SEL1L: variants seen among roughly 807,000 people sequenced by gnomAD.
SEL1L encodes SEL1L adaptor subunit of SYVN1 ubiquitin ligase.
A neutral mutation model predicts 109.8 loss-of-function variants in SEL1L; 52 were observed. The observed-to-expected ratio is 0.47, with a 90% CI of 0.38 to 0.60. The LOEUF (loss-of-function observed/expected upper bound fraction) is 0.60, where lower values mean the gene tolerates loss of function less well. SEL1L is among the 20% of genes least tolerant of loss of function. The pLI, the probability that SEL1L is intolerant of heterozygous loss-of-function variation, is 0.00. For synonymous variants in SEL1L, 373 were observed against 339.6 expected, an observed-to-expected ratio of 1.10 and a Z score of -1.08; for missense variants, 749 against 962.2, an observed-to-expected ratio of 0.78 and a Z score of 2.93.
rs1555346599 is a variant in SEL1L, at chr14:81,510,514, C to CTATATATATATA, written c.341-4285_341-4274dup. Among the ~76,000 whole-genome samples, 685 of 104,014 alleles carry CTATATATATATA rather than the reference C, an allele frequency of 6.6e-3. 1 individual carries two copies. Among genetic ancestry groups the CTATATATATATA allele is most frequent in the Middle Eastern group, 0.015 (2 of 134 alleles). The allele number at this position is 104,014 out of a possible 152,430, so 68.2% of individuals were successfully genotyped here. A position where few individuals can be genotyped will look rare whatever the true frequency, so the allele number is the denominator to read the frequency against. On this transcript the variant is annotated intron_variant, in intron 3 of 20. Transcript: ENST00000336735. Reference sequence around the variant, plus strand: ...TCTCTCTCTCTCTCTCTCTCTCTCTCTATATATATATATATAGACAATTAA... The same window carrying CTATATATATATA: ...TCTCTCTCTCTCTCTCTCTCTCTCTCTATATATATATATATATATATATATATAGACAATTAA...
intron 3 of SEL1L, 125 bp from the exon 4 acceptor site, chr14:81,506,366 G>A (rs760094439): frequency 8.9e-6 from 7 of 783,622 alleles, no homozygotes; most frequent in Non-Finnish European, 1.2e-5. Flanking sequence ...TTGTAACTGG[G>A]AACATAAAAG....
chr14:81,506,282 C>A, intron 3 of SEL1L, 41 bp from the exon 4 acceptor site: 1 of 1,484,444 alleles, frequency 6.7e-7, no homozygotes, highest in Admixed American at 2.2e-5. Context: ...TGAAACAACA[C>A]CTCTGGTATT....
intron 3 of SEL1L, among the ~76,000 whole-genome samples, chr14:81,525,238 T>C (rs1222650278): frequency 6.6e-6 from 1 of 151,976 alleles, no homozygotes; most frequent in African/African-American, 2.4e-5. Flanking sequence ...TTTTACCCTC[T>C]ACTTTTATGC....
At position 81,484,276 on chromosome 14, in the gene SEL1L, T is replaced by C. The variant is rs762106944; in HGVS notation, c.1995A>G (p.Gln665=). ...RLASEQQHSA[Q]AMFNLGYMHE... is the part of the protein sequence containing the mutation. ...GCATATATCCCAGATTAAACATAGC[T>C]TGTGCACTGTGTTGCTGCTCAGAAG... The change falls in exon 19 of 21, where the codon CAA becomes CAG. Residue 665 remains glutamine (Q), a synonymous_variant. Transcript: ENST00000336735. The C allele has an allele frequency of 6.2e-7, 1 of 1,614,148 alleles. No individual in the cohort carries two copies. The highest frequency in any genetic ancestry group is 2.2e-5 in the East Asian group (1 of 44,886).
chr14:81,510,978 G>C (rs930329207), intron 3 of SEL1L, among the ~76,000 whole-genome samples: 2 of 152,152 alleles, frequency 1.3e-5, no homozygotes, highest in Non-Finnish European at 2.9e-5. Context: ...AGGAAACAAA[G>C]TACCTGACTT....
intron 17 of SEL1L, 99 bp downstream of exon 17, chr14:81,486,190 G>C: frequency 1.8e-6 from 2 of 1,138,184 alleles, no homozygotes; most frequent in Non-Finnish European, 2.5e-6. Flanking sequence ...CAATAATAAA[G>C]AATGTTTCCT....
intron 18 of SEL1L, 121 bp downstream of exon 18, chr14:81,485,551 G>C: frequency 4.9e-6 from 4 of 812,106 alleles, no homozygotes; most frequent in Non-Finnish European, 7.9e-6. Context: ...CTTGGCTTCC[G>C]AAAGTGCTAG....
rs1355942682 is a variant in SEL1L at position 81,533,814 on chromosome 14, C to G, written c.-70G>C. On this transcript the variant is annotated 5_prime_UTR_variant, in exon 1 of 21. Coordinates refer to ENST00000336735, the MANE Select transcript of SEL1L (RefSeq NM_005065.6). The stretch of plus-strand genomic sequence containing the variant: ...CCTCTGCCACCACGGACTCAGCCAC[C>G]ACCGCCGCCTCGCCGCTGCTCTTCC... The G allele has an allele frequency of 2.7e-6, 4 of 1,455,790 alleles. No homozygotes were observed. In the Admixed American group the frequency reaches 5.6e-5, roughly 20 times the overall value. 90.2% of individuals were successfully genotyped at this position (1,455,790 alleles called of 1,614,324 possible). A position where few individuals can be genotyped will look rare whatever the true frequency, so the allele number is the denominator to read the frequency against.
At chr14:81,494,480 G>A (rs1291545436) in intron 11 of SEL1L, among the ~76,000 whole-genome samples, 1 of 152,204 alleles carries the variant, frequency 6.6e-6, no homozygotes, top group Non-Finnish European at 1.5e-5. Flanking sequence ...GTAGCTCCTT[G>A]AAGTGCTGCA....
chr14:81,472,899 G>A lies in SEL1L; in HGVS notation c.*4073C>T. 2 of 218,696 alleles carry A rather than the reference G, an allele frequency of 9.1e-6. No individual in the cohort carries two copies. Among genetic ancestry groups the A allele is most frequent in the Non-Finnish European group, 1.9e-5 (2 of 107,836 alleles). 13.5% of individuals were successfully genotyped at this position (218,696 alleles called of 1,614,324 possible). ...TCTGTCTGGAAAGGTGCTTGGTTGT[G>A]GTATATTACAGCATACAGGATAACC... On this transcript the variant is annotated 3_prime_UTR_variant, in exon 21 of 21. Coordinates refer to ENST00000336735, the MANE Select transcript of SEL1L (RefSeq NM_005065.6).
chr14:81,512,903 T>C (rs7150024), intron 3 of SEL1L, among the ~76,000 whole-genome samples: 2 of 152,240 alleles, frequency 1.3e-5, no homozygotes, highest in African/African-American at 2.4e-5. Context: ...AGTTATCTTT[T>C]GAAAGACCGC....
chr14:81,480,022 GT>G (rs1457112317), intron 19 of SEL1L, among the ~76,000 whole-genome samples: 1 of 152,094 alleles, frequency 6.6e-6, no homozygotes, highest in Admixed American at 6.5e-5. Flanking sequence ...CATTAACACT[GT>G]TAACCTAGAG....
chr14:81,526,946 C>CAGA lies in SEL1L; in HGVS notation c.126_127insTCT (p.Asp42_Glu43insSer). 6.2e-7 allele frequency: 1 copy of CAGA among 1,609,858 alleles called. No homozygotes were observed. Among genetic ancestry groups the CAGA allele is most frequent in the African/African-American group, 1.3e-5 (1 of 74,872 alleles). On this transcript the variant is annotated inframe_insertion, in exon 3 of 21. Coordinates refer to ENST00000336735, the MANE Select transcript of SEL1L (RefSeq NM_005065.6). Reference sequence around the variant, plus strand: ...GCAGTAGTATGGTCCTTTACTGACTCATCTGATGTCAAAGTAGTCTGAGAA... The same window carrying CAGA: ...GCAGTAGTATGGTCCTTTACTGACTCAGAATCTGATGTCAAAGTAGTCTGAGAA...
At chr14:81,502,079 G>A (rs954765696) in intron 6 of SEL1L, among the ~76,000 whole-genome samples, 19 of 151,640 alleles carry the variant, frequency 1.3e-4, no homozygotes, top group African/African-American at 4.1e-4. Flanking sequence ...AAAATTTTTG[G>A]GTTCAACATC....
chr14:81,493,089 T>C (rs966876282), intron 11 of SEL1L, among the ~76,000 whole-genome samples: 1 of 152,234 alleles, frequency 6.6e-6, no homozygotes, highest in South Asian at 2.1e-4. Context: ...CTCTCAACTG[T>C]ATTGCAGCCC....
intron 3 of SEL1L, among the ~76,000 whole-genome samples, chr14:81,514,622 C>T (rs1357129459): frequency 1.3e-5 from 2 of 152,164 alleles, no homozygotes; most frequent in Admixed American, 6.5e-5. Flanking sequence ...GTTTCTGCTG[C>T]TTTGTCAGTG....
chr14:81,494,998 G>A, intron 11 of SEL1L, 83 bp downstream of exon 11: 13 of 1,313,048 alleles, frequency 9.9e-6, no homozygotes, highest in Non-Finnish European at 1.4e-5. Flanking sequence ...GTTTGATACT[G>A]GTATTGACTT....
chr14:81,479,383 T>C (rs946307643), intron 20 of SEL1L: 1 of 317,344 alleles, frequency 3.2e-6, no homozygotes, highest in Non-Finnish European at 5.7e-6. Flanking sequence ...TGAAAAATGC[T>C]TTAGCGTCAG....
intron 4 of SEL1L, 28 bp downstream of exon 4, chr14:81,506,046 G>C (rs772981473): frequency 2.4e-5 from 38 of 1,607,284 alleles, no homozygotes; most frequent in Non-Finnish European, 3.2e-5. Flanking sequence ...AAGCAATGCA[G>C]ATCTGCCTCC....
Sources: allele counts gnomAD v4.1 joint callset (sites outside exome capture counted in the v4.1 genomes callset), GRCh38; gene constraint gnomAD v4.1.1; transcripts MANE v1.5; gene names NCBI Gene and HGNC (gene_info 2026-07-23, HGNC 2026-07-21).